SYCP2: variants seen among roughly 807,000 people sequenced by gnomAD.
SYCP2 encodes the protein synaptonemal complex protein 2.
A neutral mutation model predicts 211.3 loss-of-function variants in SYCP2; 55 were observed. The ratio of observed to expected loss-of-function variants is 0.26; its 90% CI spans 0.21 to 0.33. The LOEUF is 0.33. SYCP2 is among the 10% of genes least tolerant of loss of function. The pLI is 1.00. For missense variants in SYCP2, 1,731 were observed against 1,752.0 expected (o/e 0.99, Z 0.21); for synonymous variants, 570 against 555.2 (o/e 1.03, Z -0.37).
chr20:59,912,180 T>TA lies in SYCP2; in HGVS notation c.876+192dup, dbSNP rs539493942. On this transcript the variant is annotated intron_variant, in intron 13 of 44. Coordinates refer to ENST00000357552, the MANE Select transcript of SYCP2 (RefSeq NM_014258.4). ...TGGACTACAGCCTTTATTTTTCAGT[T>TA]ATTCTTGGCAATGAATATGCTGTTC... 1,286 of 433,844 alleles carry TA rather than the reference T, an allele frequency of 3.0e-3. 22 individuals carry two copies. Among genetic ancestry groups the TA allele is most frequent in the African/African-American group, 0.024 (1,176 of 48,164 alleles). 26.9% of individuals were successfully genotyped at this position (433,844 alleles called of 1,614,324 possible).
Position 59,881,964 on chromosome 20 carries a change from T to TC in SYCP2, c.2638dup (p.Asp880GlyfsTer16). ...GCTTACTCCAAGTTTTATGATAGGG[T>TC]CATCAGCTCCATTCAAATTAAAATT... On this transcript the variant is annotated frameshift_variant, in exon 28 of 45. Transcript: ENST00000357552. LOFTEE classifies it high-confidence loss of function. 1 of 1,612,588 alleles carries TC rather than the reference T, an allele frequency of 6.2e-7. No individual in the cohort carries two copies. Among genetic ancestry groups the TC allele is most frequent in the Non-Finnish European group, 8.5e-7 (1 of 1,179,244 alleles).
Position 59,911,794 on chromosome 20 carries a change from G to A in SYCP2, c.928C>T (p.Leu310Phe). ...KLEEFWIDFN[L>F]GSQTLSFYIA... ...TAGAATGAGAGAGTCTGACTCCCAA[G>A]ATTAAAATCAATCCAAAATTCCTCA... The change falls in exon 14 of 45, where the codon CTT (leucine) becomes TTT (phenylalanine). Residue 310 changes from leucine (L) to phenylalanine (F), a missense_variant. By Grantham distance (22) the Leu-to-Phe change is conservative (BLOSUM62 0). Coordinates refer to ENST00000357552, the MANE Select transcript of SYCP2 (RefSeq NM_014258.4). 6.3e-7 allele frequency: 1 copy of A among 1,593,264 alleles called. No individual in the cohort carries two copies. Among genetic ancestry groups the A allele is most frequent in the South Asian group, 1.2e-5 (1 of 86,754 alleles).
At chr20:59,882,277 G>T in intron 26 of SYCP2, 112 bp from the exon 27 acceptor site, 1 of 787,478 alleles carries the variant, frequency 1.3e-6, no homozygotes, top group African/African-American at 1.7e-5. Context: ...TCTCACCTCA[G>T]TTAAAATGGC....
At chr20:59,895,022 A>C (rs2059980220) in intron 20 of SYCP2, among the ~76,000 whole-genome samples, 1 of 152,060 alleles carries the variant, frequency 6.6e-6, no homozygotes, top group African/African-American at 2.4e-5. Flanking sequence ...TTCCTACTGC[A>C]TCCTATATGT....
intron 14 of SYCP2, among the ~76,000 whole-genome samples, chr20:59,911,303 A>C (rs2060320155): frequency 6.6e-6 from 1 of 152,186 alleles, no homozygotes; most frequent in Non-Finnish European, 1.5e-5. Context: ...TAGGAAGAAA[A>C]AAACTAAAAT....
At chr20:59,872,667 G>A (rs960962081) in intron 35 of SYCP2, among the ~76,000 whole-genome samples, 2 of 151,922 alleles carry the variant, frequency 1.3e-5, no homozygotes, top group African/African-American at 4.8e-5. Context: ...GAGAATAAGG[G>A]GTGATTACTG....
chr20:59,893,602 A>G lies in SYCP2; in HGVS notation c.1666-9T>C. The G allele has an allele frequency of 6.3e-7, 1 of 1,594,720 alleles. No homozygotes were observed. Among genetic ancestry groups the G allele is most frequent in the Non-Finnish European group, 8.6e-7 (1 of 1,167,176 alleles). On this transcript the variant is annotated splice_polypyrimidine_tract_variant and intron_variant, in intron 20 of 44. Transcript: ENST00000357552. ...TTAGCAGTTTTGATATGCTGTAAAC[A>G]CAGGAAACAGGTTAACGTAAACTTA...
intron 12 of SYCP2, 125 bp from the exon 13 acceptor site, chr20:59,912,543 T>C (rs934240190): frequency 1.4e-5 from 6 of 437,846 alleles, no homozygotes; most frequent in African/African-American, 2.1e-5. Context: ...TGAAATAAAA[T>C]CATATTTCCC....
At chr20:59,894,761 A>T (rs6071012) in intron 20 of SYCP2, among the ~76,000 whole-genome samples, 2,950 of 152,134 alleles carry the variant, frequency 0.019, 42 homozygotes, top group Middle Eastern at 0.041. Context: ...AAAAGCTATT[A>T]GATGTTCCTC....
intron 32 of SYCP2, 124 bp from the exon 33 acceptor site, chr20:59,877,679 T>C: frequency 1.3e-6 from 1 of 777,350 alleles, no homozygotes; most frequent in Admixed American, 3.2e-5. Flanking sequence ...GATTCTTGAT[T>C]AACATACTTT....
chr20:59,907,554 C>T (rs765301465), intron 14 of SYCP2, 130 bp from the exon 15 acceptor site: 87 of 636,674 alleles, frequency 1.4e-4, no homozygotes, highest in East Asian at 7.3e-4. Flanking sequence ...GTTTATATAA[C>T]ACCTTTCTTG....
At chr20:59,922,816 T>C (rs907801717) in intron 2 of SYCP2, among the ~76,000 whole-genome samples, 1 of 151,762 alleles carries the variant, frequency 6.6e-6, no homozygotes. Flanking sequence ...AAAAAAACTC[T>C]TGAATTAATG....
chr20:59,868,591 TA>T, intron 37 of SYCP2, 23 bp from the exon 38 acceptor site: 2 of 1,553,370 alleles, frequency 1.3e-6, no homozygotes, highest in Non-Finnish European at 1.7e-6. Context: ...TAAAGAAAGT[TA>T]AAAGCGCTGC....
At chr20:59,896,649 C>T (rs2060014015) in intron 18 of SYCP2, 121 bp from the exon 19 acceptor site, 1 of 572,174 alleles carries the variant, frequency 1.7e-6, no homozygotes, top group African/African-American at 1.9e-5. Flanking sequence ...TTTAAATAAA[C>T]AACACAATAT....
At chr20:59,915,715 G>T in intron 8 of SYCP2, 165 bp from the exon 9 acceptor site, 1 of 505,990 alleles carries the variant, frequency 2.0e-6, no homozygotes, top group Non-Finnish European at 3.5e-6. Context: ...GTATAAAATA[G>T]GCCAGGCATG....
intron 24 of SYCP2, among the ~76,000 whole-genome samples, 155 bp downstream of exon 24, chr20:59,891,835 A>G (rs545064596): frequency 6.6e-6 from 1 of 152,058 alleles, no homozygotes; most frequent in East Asian, 1.9e-4. Flanking sequence ...ACGACAAGGG[A>G]GAGGTGAGTG....
At chr20:59,900,907 A>C in intron 16 of SYCP2, 89 bp from the exon 17 acceptor site, 2 of 1,031,442 alleles carry the variant, frequency 1.9e-6, no homozygotes, top group South Asian at 2.9e-5. Context: ...TAATGTAATT[A>C]TTTCCTGTTT....
At chr20:59,905,238 G>C (rs924791369) in intron 15 of SYCP2, among the ~76,000 whole-genome samples, 2 of 152,118 alleles carry the variant, frequency 1.3e-5, no homozygotes, top group Admixed American at 1.3e-4. Context: ...CTATGGGTCT[G>C]AACTAACCAC....
intron 44 of SYCP2, among the ~76,000 whole-genome samples, chr20:59,864,664 TAAAAGTCTAG>T (rs1568895066): frequency 6.6e-6 from 1 of 151,962 alleles, no homozygotes; most frequent in African/African-American, 2.4e-5. Flanking sequence ...AGAGTAAAAT[TAAAAGTCTAG>T]AAAACAATTT....
Sources: gnomAD v4.1 joint callset for allele counts (sites outside exome capture counted in the v4.1 genomes callset) on GRCh38, gnomAD v4.1.1 for gene constraint, MANE v1.5 for transcripts, NCBI Gene and HGNC (gene_info 2026-07-23, HGNC 2026-07-21) for gene names.